RBM23: variants seen among roughly 807,000 people sequenced by gnomAD.
RBM23 encodes RNA binding motif protein 23.
A neutral mutation model predicts 56.2 loss-of-function variants in RBM23; 53 were observed. The ratio of observed to expected loss-of-function variants is 0.94; its 90% confidence interval spans 0.76 to 1.19. The LOEUF (loss-of-function observed/expected upper bound fraction) is 1.19. Ranked by LOEUF, RBM23 falls within the 50% of genes most tolerant of loss-of-function variation. RBM23 has a pLI of 0.00. For missense variants in RBM23, 642 were observed against 590.3 expected, an observed-to-expected ratio of 1.09 and a Z score of -0.91; for synonymous variants, 197 against 198.5, an observed-to-expected ratio of 0.99 and a Z score of 0.06.
chr14:22,901,561 G>T lies in RBM23; in HGVS notation c.*169C>A. ...CAGAGTCCATTTCCAGTGGGACCAT[G>T]GGCAGGAGCTTTTCTTGGTATCTTA... On this transcript the variant is annotated 3_prime_UTR_variant, in exon 14 of 14. Transcript: ENST00000359890. 1 of 964,048 alleles carries T rather than the reference G, an allele frequency of 1.0e-6. No homozygotes were observed. The highest frequency in any genetic ancestry group is 1.6e-6 in the Non-Finnish European group (1 of 639,116). 59.7% of individuals were successfully genotyped at this position (964,048 alleles called of 1,614,324 possible). A position where few individuals can be genotyped will look rare whatever the true frequency, so the allele number is the denominator to read the frequency against.
chr14:22,907,922 T>C (rs10133304), intron 4 of RBM23, among the ~76,000 whole-genome samples: 3,821 of 152,318 alleles, frequency 0.025, 172 homozygotes, highest in African/African-American at 0.087. Context: ...ACAAAAAAAT[T>C]TAAAAATAGA....
Position 22,918,986 on chromosome 14 carries a change from T to G in RBM23, c.-11+13A>C, listed in dbSNP as rs777913002. ...GTGACGTCTGGTGGGGACCGGGTTTTGGGGTTTCTCACCAGTTCCGGGTCC... is the reference window on the plus strand; with the variant it reads ...GTGACGTCTGGTGGGGACCGGGTTTGGGGGTTTCTCACCAGTTCCGGGTCC... On this transcript the variant is annotated intron_variant, in intron 1 of 13. Coordinates refer to ENST00000359890, the MANE Select transcript of RBM23 (RefSeq NM_001077351.2). 6.6e-6 allele frequency: 1 copy of G among 152,134 alleles called. No homozygotes were observed. Among genetic ancestry groups the G allele is most frequent in the Non-Finnish European group, 1.5e-5 (1 of 68,022 alleles). The allele number at this position is 152,134 out of a possible 1,614,324, so 9.4% of individuals were successfully genotyped here. A position where few individuals can be genotyped will look rare whatever the true frequency, so the allele number is the denominator to read the frequency against.
intron 1 of RBM23, among the ~76,000 whole-genome samples, chr14:22,916,235 G>A (rs563401180): frequency 6.6e-6 from 1 of 151,584 alleles, no homozygotes; most frequent in East Asian, 1.9e-4. Flanking sequence ...AACAGAGAAG[G>A]TCACACAGCT....
chr14:22,918,353 A>G (rs886347241), intron 1 of RBM23, among the ~76,000 whole-genome samples: 4 of 151,596 alleles, frequency 2.6e-5, no homozygotes, highest in African/African-American at 9.7e-5. Flanking sequence ...AGATCGCGCC[A>G]CTCCACTCCA....
intron 4 of RBM23, among the ~76,000 whole-genome samples, chr14:22,907,548 A>C (rs563253769): frequency 6.6e-6 from 1 of 152,354 alleles, no homozygotes; most frequent in East Asian, 1.9e-4. Context: ...TAAATTTCAC[A>C]CATACCAGAA....
At position 22,906,778 on chromosome 14, in the gene RBM23, C is replaced by T. The variant is rs558567536; in HGVS notation, c.228-410G>A. The stretch of plus-strand genomic sequence containing the variant: ...CCAGGGCTGGGCGCGGTGGCTCACG[C>T]CTGTAATCCCAGCACTTTGGGAGGC... On this transcript the variant is annotated intron_variant, in intron 4 of 13. Transcript: ENST00000359890. 9.8e-5 allele frequency among the ~76,000 whole-genome samples: 15 copies of T among 152,356 alleles called. No individual in the cohort carries two copies. In the South Asian group the frequency reaches 3.1e-3, roughly 32 times the overall value.
At chr14:22,901,917 C>T (rs1448322853) in intron 12 of RBM23, 34 bp from the exon 13 acceptor site, 8 of 1,613,946 alleles carry the variant, frequency 5.0e-6, no homozygotes, top group South Asian at 2.2e-5. Context: ...AGTGAGCAAG[C>T]ACCGCGCACT....
Position 22,898,616 on chromosome 14 carries a change from A to G in RBM23, c.*3114T>C, listed in dbSNP as rs1020910204. ...GGAGTAAGACTGGAAATTGTCTTAG[A>G]TACGTCCTTACTTCCAACATTGTCT... is the stretch of plus-strand genomic sequence containing the variant. On this transcript the variant is annotated 3_prime_UTR_variant, in exon 14 of 14. Coordinates refer to ENST00000359890, the MANE Select transcript of RBM23 (RefSeq NM_001077351.2). The G allele has an allele frequency of 1.3e-5, 2 of 152,048 alleles. No homozygotes were observed. The highest frequency in any genetic ancestry group is 2.4e-5 in the African/African-American group (1 of 41,390). 9.4% of individuals were successfully genotyped at this position (152,048 alleles called of 1,614,324 possible). A position where few individuals can be genotyped will look rare whatever the true frequency, so the allele number is the denominator to read the frequency against.
chr14:22,917,543 C>T (rs1313513150), intron 1 of RBM23: 3 of 145,272 alleles, frequency 2.1e-5, no homozygotes, highest in African/African-American at 7.4e-5. Flanking sequence ...CATTTTCAGG[C>T]TGGTAGTTTT....
chr14:22,916,560 A>G (rs925767906), intron 1 of RBM23, among the ~76,000 whole-genome samples: 1 of 151,770 alleles, frequency 6.6e-6, no homozygotes, highest in African/African-American at 2.4e-5. Context: ...ACATCTGGCC[A>G]GAGGAGCTAA....
rs562861961 is a variant in RBM23 at position 22,913,032 on chromosome 14, T to G, written c.-10-1629A>C. 4.5e-5 allele frequency among the ~76,000 whole-genome samples: 4 copies of G among 88,994 alleles called. No homozygotes were observed. In the East Asian group the frequency reaches 1.3e-3, roughly 28 times the overall value. 58.4% of individuals were successfully genotyped at this position (88,994 alleles called of 152,430 possible). On this transcript the variant is annotated intron_variant, in intron 1 of 13. Transcript: ENST00000359890. ...AAAAAAAAAAAAAAAAAAAGCAAAC[T>G]AATCACTATATCAAAGAAAGCAGAA...
At chr14:22,914,986 C>CAA (rs367972024) in intron 1 of RBM23, among the ~76,000 whole-genome samples, 7,670 of 101,550 alleles carry the variant, frequency 0.076, 550 homozygotes, top group African/African-American at 0.22. Flanking sequence ...GACTCCATCT[C>CAA]AAAAAAAAAA....
chr14:22,914,828 CAA>C (rs2043200715), intron 1 of RBM23, among the ~76,000 whole-genome samples: 1 of 151,188 alleles, frequency 6.6e-6, no homozygotes, highest in African/African-American at 2.4e-5. Context: ...ATTAAAGACA[CAA>C]AAATTAGCCG....
chr14:22,914,122 C>T (rs113325282), intron 1 of RBM23: 10,973 of 151,070 alleles, frequency 0.073, 745 homozygotes, highest in African/African-American at 0.19. Context: ...GTCAAGAGAT[C>T]GAGACCATCC....
In RBM23 at chr14:22,904,387, T is replaced by C. The variant is rs1320272728; in HGVS notation, c.865-61A>G. 1.4e-5 allele frequency: 17 copies of C among 1,201,098 alleles called. No individual in the cohort carries two copies. In the East Asian group the frequency reaches 3.5e-4, roughly 25 times the overall value. The allele number at this position is 1,201,098 out of a possible 1,614,324, so 74.4% of individuals were successfully genotyped here. ...ACTAGCCCACATCTTCAATCTTTCC[T>C]ACCCAGACTGCTTTTTTTTTTTTTT... On this transcript the variant is annotated intron_variant, in intron 9 of 13. Coordinates refer to ENST00000359890, the MANE Select transcript of RBM23 (RefSeq NM_001077351.2).
At position 22,898,125 on chromosome 14, in the gene RBM23, C is replaced by T. The variant is rs1317993106; in HGVS notation, c.*3605G>A. On this transcript the variant is annotated 3_prime_UTR_variant, in exon 14 of 14. Coordinates refer to ENST00000359890, the MANE Select transcript of RBM23 (RefSeq NM_001077351.2). ...CCATCCTTCAGGTTTTTACTCAATTCCCTTCATGATATGCTCCAGGACTAA... is the reference window on the plus strand; with the variant it reads ...CCATCCTTCAGGTTTTTACTCAATTTCCTTCATGATATGCTCCAGGACTAA... 6.6e-6 allele frequency: 1 copy of T among 152,186 alleles called. No homozygotes were observed. Among genetic ancestry groups the T allele is most frequent in the African/African-American group, 2.4e-5 (1 of 41,442 alleles). 9.4% of individuals were successfully genotyped at this position (152,186 alleles called of 1,614,324 possible).
At chr14:22,906,151 C>A in intron 5 of RBM23, 44 bp downstream of exon 5, 2 of 1,604,504 alleles carry the variant, frequency 1.2e-6, no homozygotes, top group Non-Finnish European at 1.7e-6. Context: ...GTTGTTTTAT[C>A]CAGATTATTA....
At chr14:22,902,150 T>C in intron 11 of RBM23, 37 bp downstream of exon 11, 1 of 1,606,642 alleles carries the variant, frequency 6.2e-7, no homozygotes, top group East Asian at 2.2e-5. Flanking sequence ...CATCTAAAAT[T>C]CAACCCCATA....
intron 4 of RBM23, among the ~76,000 whole-genome samples, chr14:22,908,090 G>A (rs2041876189): frequency 6.6e-6 from 1 of 151,926 alleles, no homozygotes; most frequent in Non-Finnish European, 1.5e-5. Context: ...CTGCAATCTC[G>A]GCTCACTGCA....
Sources: gnomAD v4.1 joint callset for allele counts (sites outside exome capture counted in the v4.1 genomes callset) on GRCh38, gnomAD v4.1.1 for gene constraint, MANE v1.5 for transcripts, NCBI Gene and HGNC (gene_info 2026-07-23, HGNC 2026-07-21) for gene names.